The following UBAP2 variants were observed in gnomAD, a reference collection of about 807,000 sequenced individuals.
The protein encoded by UBAP2 is ubiquitin-associated protein 2.
In UBAP2, 75 loss-of-function variants were observed where a neutral mutation model predicts 139.6. The observed-to-expected ratio is 0.54, with a 90% CI of 0.45 to 0.65. UBAP2 has a LOEUF of 0.65. Among genes scored for constraint, UBAP2 ranks in the 30% least tolerant of loss-of-function variants. The pLI, the probability that UBAP2 is intolerant of heterozygous loss-of-function variation, is 0.00. For missense variants in UBAP2, 1,368 were observed against 1,369.6 expected (o/e 1.00, Z 0.02); for synonymous variants, 526 against 526.2 (o/e 1.00, Z 0.01).
chr9:34,017,828 A>G (rs1824509617), intron 1 of UBAP2, among the ~76,000 whole-genome samples: 1 of 152,072 alleles, frequency 6.6e-6, no homozygotes, highest in African/African-American at 2.4e-5. Context: ...TTAGGAGGCC[A>G]AGGCAGGAGA....
At chr9:33,973,111 G>C in intron 7 of UBAP2, 72 bp downstream of exon 7, 2 of 1,311,548 alleles carry the variant, frequency 1.5e-6, no homozygotes, top group Non-Finnish European at 2.2e-6. Context: ...TTAGATGTAG[G>C]GTATTAGAAG....
chr9:33,989,197 A>AT, intron 4 of UBAP2, 71 bp from the exon 5 acceptor site: 1 of 1,331,760 alleles, frequency 7.5e-7, no homozygotes, highest in Non-Finnish European at 9.9e-7. Context: ...ACATGCATGT[A>AT]TCTTTCTTTT....
At chr9:33,930,820 C>T (rs1430931371) in intron 19 of UBAP2, among the ~76,000 whole-genome samples, 4 of 146,946 alleles carry the variant, frequency 2.7e-5, no homozygotes, top group Non-Finnish European at 4.4e-5. Context: ...CGCTTGAACC[C>T]GGGAAGTGGA....
At chr9:34,038,770 T>G (rs1485201759) in intron 1 of UBAP2, among the ~76,000 whole-genome samples, 4 of 149,614 alleles carry the variant, frequency 2.7e-5, no homozygotes. Context: ...GGAGCCCCTC[T>G]GCCCTGCTGC....
intron 1 of UBAP2, among the ~76,000 whole-genome samples, chr9:34,022,460 C>G (rs1210844384): frequency 8.6e-6 from 1 of 116,328 alleles, no homozygotes; most frequent in East Asian, 2.7e-4. Flanking sequence ...TTTTTTAAGA[C>G]ACAGTCTGGC....
intron 16 of UBAP2, chr9:33,939,009 T>C: frequency 2.5e-6 from 1 of 399,592 alleles, no homozygotes; most frequent in Non-Finnish European, 4.9e-6. Context: ...GGGACACAAA[T>C]ATTTTTCTAA....
intron 1 of UBAP2, 132 bp from the exon 2 acceptor site, chr9:34,017,321 A>G (rs1270471275): frequency 2.1e-6 from 1 of 465,720 alleles, no homozygotes; most frequent in Admixed American, 4.1e-5. Flanking sequence ...GTAGCCCTTG[A>G]GGATTTTACA....
At chr9:33,992,293 C>T (rs1196367372) in intron 4 of UBAP2, among the ~76,000 whole-genome samples, 2 of 146,938 alleles carry the variant, frequency 1.4e-5, no homozygotes, top group East Asian at 2.0e-4. Flanking sequence ...GAGGCTGAGG[C>T]GGAAGAATCG....
chr9:34,035,514 A>ATATATATATATATATATATAT (rs1554692767), intron 1 of UBAP2, among the ~76,000 whole-genome samples: 5 of 22,492 alleles, frequency 2.2e-4, no homozygotes, highest in African/African-American at 6.4e-4. Flanking sequence ...AAAAAAAAAA[A>ATATATATATATATATATATAT]ATATATATAT....
chr9:33,986,705 T>C (rs1206755480), intron 6 of UBAP2, 55 bp downstream of exon 6: 17 of 1,459,390 alleles, frequency 1.2e-5, no homozygotes, highest in Non-Finnish European at 1.5e-5. Context: ...GCAACGCAAC[T>C]GCCTGCTTCT....
rs1331589063 is a variant in UBAP2, at chr9:33,922,428, G to GT, written c.*75_*76insA. ...TCGGGAATTCTAGGAAAGGGCACTG[G>GT]GCTCCCAAATACGTGCTCGTGTGTT... On this transcript the variant is annotated 3_prime_UTR_variant, in exon 29 of 29. Coordinates refer to ENST00000379238, the MANE Select transcript of UBAP2 (RefSeq NM_001370062.2). 7.0e-7 allele frequency: 1 copy of GT among 1,438,550 alleles called. No homozygotes were observed. Among genetic ancestry groups the GT allele is most frequent in the Non-Finnish European group, 9.6e-7 (1 of 1,040,742 alleles). The allele number at this position is 1,438,550 out of a possible 1,614,324, so 89.1% of individuals were successfully genotyped here.
chr9:33,977,508 G>A (rs973391518), intron 6 of UBAP2, among the ~76,000 whole-genome samples: 8 of 152,046 alleles, frequency 5.3e-5, no homozygotes, highest in African/African-American at 1.9e-4. Context: ...GATTAATCTA[G>A]CAGCTCAGAA....
chr9:33,989,214 T>TTTTTG, intron 4 of UBAP2, 88 bp from the exon 5 acceptor site: 1 of 1,403,594 alleles, frequency 7.1e-7, no homozygotes, highest in Non-Finnish European at 9.3e-7. Flanking sequence ...TTTTTTTTTT[T>TTTTTG]TTTTTTGAGA....
chr9:33,944,252 G>A, intron 14 of UBAP2, 113 bp downstream of exon 14: 2 of 1,377,670 alleles, frequency 1.5e-6, no homozygotes, highest in Non-Finnish European at 2.0e-6. Flanking sequence ...CAATCAATAA[G>A]CTATGTGCTT....
intron 2 of UBAP2, among the ~76,000 whole-genome samples, chr9:33,999,678 T>A (rs1225447071): frequency 6.6e-6 from 1 of 151,752 alleles, no homozygotes; most frequent in Non-Finnish European, 1.5e-5. Context: ...ATTACAGGCC[T>A]GAGCCACTGC....
chr9:33,956,285 T>C (rs1826558261), intron 10 of UBAP2, 139 bp from the exon 11 acceptor site: 1 of 543,416 alleles, frequency 1.8e-6, no homozygotes, highest in African/African-American at 2.0e-5. Flanking sequence ...AATATACAAG[T>C]GACCATGACA....
At chr9:34,048,583 G>C (rs1484742010) in intron 1 of UBAP2, among the ~76,000 whole-genome samples, 1 of 152,164 alleles carries the variant, frequency 6.6e-6, no homozygotes, top group East Asian at 1.9e-4. Context: ...AGCCGACCTG[G>C]ACGGGGGAAA....
chr9:33,979,125 C>A (rs889924968), intron 6 of UBAP2, among the ~76,000 whole-genome samples: 5 of 152,118 alleles, frequency 3.3e-5, no homozygotes, highest in African/African-American at 1.2e-4. Flanking sequence ...GTCCTATCTA[C>A]TCAGGAAGCT....
intron 1 of UBAP2, among the ~76,000 whole-genome samples, chr9:34,042,024 C>CA (rs1021439072): frequency 8.6e-5 from 13 of 150,822 alleles, no homozygotes; most frequent in African/African-American, 2.0e-4. Context: ...GACCCTATCT[C>CA]AAAAAAAAGA....
Sources: gnomAD v4.1 joint callset for allele counts (sites outside exome capture counted in the v4.1 genomes callset) on GRCh38, gnomAD v4.1.1 for gene constraint, MANE v1.5 for transcripts, NCBI Gene and HGNC (gene_info 2026-07-23, HGNC 2026-07-21) for gene names.